Variants in CBFA2T3 observed in about 807,000 individuals in gnomAD.
CBFA2T3 encodes the protein transcriptional corepressor CBFA2T3.
CBFA2T3 carries 31 observed loss-of-function variants against 58.6 expected under a neutral mutation model. The ratio of observed to expected loss-of-function variants is 0.53; its 90% CI spans 0.40 to 0.71. The LOEUF is 0.71. Among genes scored for constraint, CBFA2T3 ranks in the 30% least tolerant of loss-of-function variants. The pLI, the probability that CBFA2T3 is intolerant of heterozygous loss-of-function variation, is 0.00. For synonymous variants in CBFA2T3, 531 were observed against 421.9 expected, an observed-to-expected ratio of 1.26 and a Z score of -3.17; for missense variants, 1,076 against 963.1, an observed-to-expected ratio of 1.12 and a Z score of -1.55.
rs1315672560 is a variant in CBFA2T3 at position 88,882,471 on chromosome 16, G to GC, written c.1203+204_1203+205insG. Among the ~76,000 whole-genome samples, 602 of 145,720 alleles carry GC rather than the reference G, an allele frequency of 4.1e-3. 7 individuals are homozygous for GC. The highest frequency in any genetic ancestry group is 0.014 in the African/African-American group (584 of 40,702). On this transcript the variant is annotated intron_variant, in intron 8 of 11. Transcript: ENST00000268679. ...TGCGTGGGCGTGGCTGTGTGCGTGG[G>GC]GGTGGCTGTGTGTGACTGCACGGGC...
intron 1 of CBFA2T3, among the ~76,000 whole-genome samples, chr16:88,910,235 A>C (rs933854440): frequency 1.3e-5 from 2 of 151,504 alleles, no homozygotes. Context: ...TCATCCTCAC[A>C]CCTTTGCTGC....
intron 11 of CBFA2T3, 83 bp downstream of exon 11, chr16:88,879,187 G>T: frequency 8.1e-7 from 1 of 1,242,030 alleles, no homozygotes; most frequent in Non-Finnish European, 1.1e-6. Context: ...CCACGTGGAG[G>T]CTCAGAATCC....
intron 1 of CBFA2T3, among the ~76,000 whole-genome samples, chr16:88,947,147 A>C (rs887014406): frequency 6.6e-6 from 1 of 152,374 alleles, no homozygotes; most frequent in East Asian, 1.9e-4. Context: ...GTATCACACC[A>C]GTGCCAGGTG....
chr16:88,934,684 G>A (rs1034331000), intron 1 of CBFA2T3, among the ~76,000 whole-genome samples: 3 of 152,266 alleles, frequency 2.0e-5, no homozygotes, highest in African/African-American at 4.8e-5. Flanking sequence ...GAGATGCCAC[G>A]AAAGAGGCAC....
In CBFA2T3 at chr16:88,926,479, CTCTT is replaced by C. The variant is rs757727803; in HGVS notation, c.152-24827_152-24824del. 1.1e-3 allele frequency among the ~76,000 whole-genome samples: 175 copies of C among 152,292 alleles called. 1 individual carries two copies. The highest frequency in any genetic ancestry group is 6.8e-4 in the Non-Finnish European group (46 of 68,010). ...TTCAGGGGTCGAGGCTGAGCGACCT[CTCTT>C]TCTATCTCTCCTGCTCGGGGCCAGT... On this transcript the variant is annotated intron_variant, in intron 1 of 11. Coordinates refer to ENST00000268679, the MANE Select transcript of CBFA2T3 (RefSeq NM_005187.6).
At chr16:88,884,549 C>T (rs1416521389) in intron 7 of CBFA2T3, 1 of 154,112 alleles carries the variant, frequency 6.5e-6, no homozygotes, top group African/African-American at 2.4e-5. Flanking sequence ...CACCGAGACT[C>T]CGTGCCCACC....
In CBFA2T3 at chr16:88,958,606, G is replaced by C. The variant is rs1047705613; in HGVS notation, c.151+18051C>G. Reference sequence around the variant, plus strand: ...CTCAGATGGGGAGACTGAGGCCTGGGTGGGGGCAGGTGGAGAAGCACAGTC... The same window carrying C: ...CTCAGATGGGGAGACTGAGGCCTGGCTGGGGGCAGGTGGAGAAGCACAGTC... On this transcript the variant is annotated intron_variant, in intron 1 of 11. Transcript: ENST00000268679. The surrounding 1 kb of genome is among the most constrained non-coding windows in gnomAD (Gnocchi z 4.0). Among the ~76,000 whole-genome samples, 1 of 152,156 alleles carries C rather than the reference G, an allele frequency of 6.6e-6. No homozygotes were observed. The highest frequency in any genetic ancestry group is 1.5e-5 in the Non-Finnish European group (1 of 68,000).
At chr16:88,910,105 G>C (rs941138020) in intron 1 of CBFA2T3, among the ~76,000 whole-genome samples, 1 of 152,150 alleles carries the variant, frequency 6.6e-6, no homozygotes, top group African/African-American at 2.4e-5. Context: ...CTAACCACAC[G>C]CACTACCCCA....
In CBFA2T3 at chr16:88,875,950, C is replaced by T. The variant is rs147020286; in HGVS notation, c.*1026G>A. On this transcript the variant is annotated 3_prime_UTR_variant, in exon 12 of 12. Coordinates refer to ENST00000268679, the MANE Select transcript of CBFA2T3 (RefSeq NM_005187.6). ...CACGCACACGCGGCGGACGCACCAA[C>T]GCCTACGCAGAAGAGAACAAAAGTC... The T allele has an allele frequency of 2.1e-5, 5 of 233,200 alleles. No homozygotes were observed. The highest frequency in any genetic ancestry group is 6.6e-5 in the African/African-American group (3 of 45,420). 14.4% of individuals were successfully genotyped at this position (233,200 alleles called of 1,614,324 possible). A position where few individuals can be genotyped will look rare whatever the true frequency, so the allele number is the denominator to read the frequency against.
chr16:88,935,443 G>A (rs1489786362), intron 1 of CBFA2T3, among the ~76,000 whole-genome samples: 1 of 152,236 alleles, frequency 6.6e-6, no homozygotes. Context: ...GCTCCCAAGT[G>A]GGAATTCTGC....
At chr16:88,909,144 A>G (rs1188825465) in intron 1 of CBFA2T3, among the ~76,000 whole-genome samples, 1 of 152,220 alleles carries the variant, frequency 6.6e-6, no homozygotes, top group Non-Finnish European at 1.5e-5. Flanking sequence ...CCCTCATCCC[A>G]GGATGCCCCA....
chr16:88,953,000 C>T (rs765434929), intron 1 of CBFA2T3, among the ~76,000 whole-genome samples: 4 of 150,090 alleles, frequency 2.7e-5, no homozygotes, highest in Non-Finnish European at 4.4e-5. Flanking sequence ...TGTGTCGAGA[C>T]GGCATGTCCC....
intron 8 of CBFA2T3, 164 bp from the exon 9 acceptor site, chr16:88,881,653 G>GT (rs1419382881): frequency 1.2e-5 from 8 of 667,908 alleles, no homozygotes; most frequent in Non-Finnish European, 2.0e-5. Context: ...GGCTTGCAAA[G>GT]ATGGGTCCCT....
intron 1 of CBFA2T3, among the ~76,000 whole-genome samples, chr16:88,933,815 C>G (rs8059433): frequency 7.0e-6 from 1 of 143,676 alleles, no homozygotes; most frequent in African/African-American, 2.5e-5. Context: ...CTTCATGCCA[C>G]GCGTATGTGA....
rs531042941 is a variant in CBFA2T3, at chr16:88,879,873, G to C, written c.1472-413C>G. 15 of 181,510 alleles carry C rather than the reference G, an allele frequency of 8.3e-5. No individual in the cohort carries two copies. The South Asian group carries it at 1.2e-3, about 14-fold the overall frequency. 11.2% of individuals were successfully genotyped at this position (181,510 alleles called of 1,614,324 possible). On this transcript the variant is annotated intron_variant, in intron 10 of 11. Transcript: ENST00000268679. ...CACCCGGAATCTGCATTCCTAACGC[G>C]AGCCGGGGGAGCTGCTGCTGACCTG...
At chr16:88,950,076 C>G (rs939927218) in intron 1 of CBFA2T3, among the ~76,000 whole-genome samples, 1 of 152,166 alleles carries the variant, frequency 6.6e-6, no homozygotes, top group African/African-American at 2.4e-5. Context: ...CCCTGCTTCT[C>G]TTCCTCATGA....
Position 88,879,846 on chromosome 16 carries a change from C to T in CBFA2T3, c.1472-386G>A, listed in dbSNP as rs113368055. 763 of 204,940 alleles carry T rather than the reference C, an allele frequency of 3.7e-3. 5 individuals carry two copies. Among genetic ancestry groups the T allele is most frequent in the African/African-American group, 0.016 (707 of 43,960 alleles). 12.7% of individuals were successfully genotyped at this position (204,940 alleles called of 1,614,324 possible). ...ACCCCAGGGCCTGGTCAGCCAGGGG[C>T]GCACCCGGAATCTGCATTCCTAACG... On this transcript the variant is annotated intron_variant, in intron 10 of 11. Transcript: ENST00000268679.
At chr16:88,918,100 C>A (rs111241898) in intron 1 of CBFA2T3, among the ~76,000 whole-genome samples, 2,231 of 152,216 alleles carry the variant, frequency 0.015, 11 homozygotes, top group East Asian at 0.021. Flanking sequence ...GAAGTGGCCC[C>A]CATGGAGAGA....
intron 2 of CBFA2T3, among the ~76,000 whole-genome samples, chr16:88,898,367 T>C (rs1385378438): frequency 6.6e-6 from 1 of 152,138 alleles, no homozygotes; most frequent in Non-Finnish European, 1.5e-5. Context: ...GACTCTGCCC[T>C]CAGGGACGCC....
Sources: gnomAD v4.1 joint callset for allele counts (sites outside exome capture counted in the v4.1 genomes callset) on GRCh38, gnomAD v4.1.1 for gene constraint, Gnocchi (gnomAD v3.1) non-coding constraint, MANE v1.5 for transcripts, NCBI Gene and HGNC (gene_info 2026-07-23, HGNC 2026-07-21) for gene names.